ERRFI1: variants seen among roughly 807,000 people sequenced by gnomAD.
ERRFI1 encodes the protein mitogen-inducible gene 6 protein.
ERRFI1 carries 12 observed loss-of-function variants against 14.6 expected under a neutral mutation model. The ratio of observed to expected loss-of-function variants is 0.82; its 90% CI spans 0.53 to 1.33. The LOEUF (loss-of-function observed/expected upper bound fraction) is 1.33, where lower values mean the gene tolerates loss of function less well. Ranked by LOEUF, ERRFI1 falls within the 40% of genes most tolerant of loss-of-function variation. ERRFI1 has a pLI of 0.00. For synonymous variants in ERRFI1, 202 were observed against 209.9 expected (o/e 0.96, Z 0.32); for missense variants, 482 against 572.1 (o/e 0.84, Z 1.61).
In ERRFI1 at chr1:8,026,229, C is replaced by A. The variant is rs941744828; in HGVS notation, c.-145G>T. ...GTCCCGGCTGGCTCAGCGCCGCGGG[C>A]TCAGGGGCCCGGACATCGCGCAGGC... On this transcript the variant is annotated 5_prime_UTR_variant, in exon 1 of 4. Coordinates refer to ENST00000377482, the MANE Select transcript of ERRFI1 (RefSeq NM_018948.4). 1 of 152,112 alleles carries A rather than the reference C, an allele frequency of 6.6e-6. No individual in the cohort carries two copies. Among genetic ancestry groups the A allele is most frequent in the Non-Finnish European group, 1.5e-5 (1 of 68,118 alleles). The allele number at this position is 152,112 out of a possible 1,614,324, so 9.4% of individuals were successfully genotyped here.
chr1:8,024,050 C>A (rs972903658), intron 1 of ERRFI1, among the ~76,000 whole-genome samples: 22 of 152,178 alleles, frequency 1.4e-4, no homozygotes, highest in African/African-American at 5.3e-4. Context: ...CCTGGAGTTA[C>A]CCCTGACACC....
At chr1:8,014,438 C>T in intron 3 of ERRFI1, 42 bp from the exon 4 acceptor site, 1 of 1,514,978 alleles carries the variant, frequency 6.6e-7, no homozygotes, top group Non-Finnish European at 8.8e-7. Context: ...CAACAATCCT[C>T]TCTCCACCTG....
chr1:8,014,463 C>T, intron 3 of ERRFI1, 67 bp from the exon 4 acceptor site: 2 of 1,407,082 alleles, frequency 1.4e-6, no homozygotes, highest in East Asian at 2.3e-5. Context: ...AGGGAGAGAG[C>T]ACCCCAGCTA....
intron 1 of ERRFI1, among the ~76,000 whole-genome samples, chr1:8,016,283 ACT>A (rs1430814492): frequency 1.1e-4 from 16 of 152,190 alleles, no homozygotes; most frequent in Non-Finnish European, 2.2e-4. Context: ...TCCAGTTACT[ACT>A]TGTTCAAGGA....
In ERRFI1 at chr1:8,012,147, T is replaced by C. The variant is rs948706799; in HGVS notation, c.*1063A>G. The C allele has an allele frequency of 8.7e-6, 2 of 230,428 alleles. No homozygotes were observed. The highest frequency in any genetic ancestry group is 1.8e-4 in the South Asian group (1 of 5,502). The allele number at this position is 230,428 out of a possible 1,614,324, so 14.3% of individuals were successfully genotyped here. ...TGATGTGACCTCTGGAATTCAGACA[T>C]ACTGAGCTATGGGTCAGAAGTGTTT... On this transcript the variant is annotated 3_prime_UTR_variant, in exon 4 of 4. Coordinates refer to ENST00000377482, the MANE Select transcript of ERRFI1 (RefSeq NM_018948.4).
chr1:8,013,508 A>G lies in ERRFI1; in HGVS notation c.1091T>C (p.Leu364Pro), dbSNP rs770363957. Residue 364 changes from leucine (L) to proline (P), a missense_variant, in exon 4 of 4, where the codon CTG (leucine) becomes CCG (proline). Coordinates refer to ENST00000377482, the MANE Select transcript of ERRFI1 (RefSeq NM_018948.4). This position sits in a 1 kb window ranked among gnomAD's most constrained non-coding sequence, Gnocchi z 4.3. ...PDPKYVSSKA[L>P]QRQNSEGSAS... ...AGATCCTTCGCTGTTCTGTCTTTGC[A>G]GTGCTTTGCTGCTGACATACTTGGG... is the stretch of plus-strand genomic sequence containing the variant. 1 of 1,614,152 alleles carries G rather than the reference A, an allele frequency of 6.2e-7. No individual in the cohort carries two copies. The highest frequency in any genetic ancestry group is 1.7e-5 in the Admixed American group (1 of 60,006).
chr1:8,025,925 C>A (rs889215100), intron 1 of ERRFI1, among the ~76,000 whole-genome samples: 4 of 151,968 alleles, frequency 2.6e-5, no homozygotes, highest in Non-Finnish European at 5.9e-5. Flanking sequence ...CCGGGCTGCG[C>A]CGCCGGGGAG....
rs1240686805 is a variant in ERRFI1, at chr1:8,012,603, C to T, written c.*607G>A. On this transcript the variant is annotated 3_prime_UTR_variant, in exon 4 of 4. Transcript: ENST00000377482. ...AACATGAAACCTGGAAGTATGAGGC[C>T]TTGGTATGATTTTTAACCTAAGCAG... The T allele has an allele frequency of 8.8e-6, 2 of 227,116 alleles. No homozygotes were observed. The highest frequency in any genetic ancestry group is 1.3e-4 in the East Asian group (2 of 15,940). The allele number at this position is 227,116 out of a possible 1,614,324, so 14.1% of individuals were successfully genotyped here.
chr1:8,013,772 G>C lies in ERRFI1; in HGVS notation c.827C>G (p.Ser276Cys), dbSNP rs2124058041. 6.2e-7 allele frequency: 1 copy of C among 1,614,140 alleles called. No individual in the cohort carries two copies. Among genetic ancestry groups the C allele is most frequent in the Non-Finnish European group, 8.5e-7 (1 of 1,180,024 alleles). The change falls in exon 4 of 4, where the codon TCC becomes TGC. Residue 276 changes from serine (S) to cysteine (C), a missense_variant. Physicochemically the swap from Ser to Cys is moderately radical, Grantham distance 112 (BLOSUM62 -1). Coordinates refer to ENST00000377482, the MANE Select transcript of ERRFI1 (RefSeq NM_018948.4). This position sits in a 1 kb window ranked among gnomAD's most constrained non-coding sequence, Gnocchi z 4.3. ...GGGAACCTCAGGTTTGTCTTCATCGGAGTTAGGAGAAGCTCTGTGTATACA... is the reference window on the plus strand; with the variant it reads ...GGGAACCTCAGGTTTGTCTTCATCGCAGTTAGGAGAAGCTCTGTGTATACA... ...NCCIHRASPN[S>C]DEDKPEVPPR...
chr1:8,019,944 T>C (rs976130514), intron 1 of ERRFI1, among the ~76,000 whole-genome samples: 1 of 152,176 alleles, frequency 6.6e-6, no homozygotes, highest in Non-Finnish European at 1.5e-5. Context: ...CCTTCTAGAC[T>C]GTGTTTTTGC....
In ERRFI1 at chr1:8,012,990, TTTAAA is replaced by T. The variant is rs1481587674; in HGVS notation, c.*215_*219del. 2.1e-5 allele frequency: 11 copies of T among 535,194 alleles called. No homozygotes were observed. The South Asian group carries it at 2.6e-4, about 13-fold the overall frequency. 33.2% of individuals were successfully genotyped at this position (535,194 alleles called of 1,614,324 possible). ...ATCCTCCCCTCCCCACCATCACATCTTTAAATTATAGACTTGTAAGACTTTTTTCC... is the reference window on the plus strand; with the variant it reads ...ATCCTCCCCTCCCCACCATCACATCTTTATAGACTTGTAAGACTTTTTTCC... On this transcript the variant is annotated 3_prime_UTR_variant, in exon 4 of 4. Coordinates refer to ENST00000377482, the MANE Select transcript of ERRFI1 (RefSeq NM_018948.4).
At chr1:8,025,319 GATATAC>G (rs1235184795) in intron 1 of ERRFI1, among the ~76,000 whole-genome samples, 2 of 152,194 alleles carry the variant, frequency 1.3e-5, no homozygotes, top group Non-Finnish European at 2.9e-5. Flanking sequence ...ACAGGGCTAT[GATATAC>G]ATATAAATAC....
Position 8,014,372 on chromosome 1 carries a change from A to G in ERRFI1, c.227T>C (p.Met76Thr), listed in dbSNP as rs768401617. The change falls in exon 4 of 4, where the codon ATG becomes ACG. Residue 76 changes from methionine (M) to threonine (T), a missense_variant. Coordinates refer to ENST00000377482, the MANE Select transcript of ERRFI1 (RefSeq NM_018948.4). Reference protein sequence around the residue: ...PLGHASKSAPMNGHCFAENGP... With the variant: ...PLGHASKSAPTNGHCFAENGP... Reference sequence around the variant, plus strand: ...ATTTTCTGCAAAGCAGTGGCCATTCATCGGAGCAGATTTGGAAGCATGCCC... The same window carrying G: ...ATTTTCTGCAAAGCAGTGGCCATTCGTCGGAGCAGATTTGGAAGCATGCCC... 1.9e-6 allele frequency: 3 copies of G among 1,591,402 alleles called. No homozygotes were observed. The highest frequency in any genetic ancestry group is 2.3e-5 in the South Asian group (2 of 87,870).
At chr1:8,020,256 T>C (rs1363779481) in intron 1 of ERRFI1, among the ~76,000 whole-genome samples, 1 of 152,134 alleles carries the variant, frequency 6.6e-6, no homozygotes, top group Non-Finnish European at 1.5e-5. Flanking sequence ...TGTGATGTAA[T>C]TTCCTCCTTT....
At chr1:8,016,912 T>G (rs1175166448) in intron 1 of ERRFI1, among the ~76,000 whole-genome samples, 9 of 151,072 alleles carry the variant, frequency 6.0e-5, no homozygotes, top group Non-Finnish European at 1.0e-4. Context: ...TTTTTTTTTT[T>G]GTTTTTTTTT....
At chr1:8,019,536 A>C (rs1355378387) in intron 1 of ERRFI1, among the ~76,000 whole-genome samples, 3 of 152,138 alleles carry the variant, frequency 2.0e-5, no homozygotes, top group African/African-American at 7.2e-5. Context: ...CCCCCTGTAG[A>C]TCTTGGCATC....
chr1:8,014,420 T>G (rs774447682), intron 3 of ERRFI1, 24 bp from the exon 4 acceptor site: 73 of 1,530,480 alleles, frequency 4.8e-5, no homozygotes, highest in Non-Finnish European at 6.4e-5. Context: ...GAGATATTAA[T>G]AAAAGATCAA....
rs1226712347 is a variant in ERRFI1, at chr1:8,013,475, T to C, written c.1124A>G (p.Lys375Arg). The change falls in exon 4 of 4, where the codon AAG becomes AGG. Residue 375 changes from lysine (K) to arginine (R), a missense_variant. Physicochemically the swap from Lys to Arg is conservative, Grantham distance 26. Coordinates refer to ENST00000377482, the MANE Select transcript of ERRFI1 (RefSeq NM_018948.4). The surrounding 1 kb of genome is among the most constrained non-coding windows in gnomAD (Gnocchi z 4.3). ...AATAATGGGCAGAATGCAAGGAACC[T>C]TACTGGCAGATCCTTCGCTGTTCTG... ...QRQNSEGSAS[K>R]VPCILPIIEN... The C allele has an allele frequency of 2.5e-6, 4 of 1,614,210 alleles. No individual in the cohort carries two copies. The South Asian group carries it at 4.4e-5, about 18-fold the overall frequency.
rs1307465111 is a variant in ERRFI1 at position 8,014,347 on chromosome 1, A to G, written c.252T>C (p.Asn84=). 1.2e-6 allele frequency: 2 copies of G among 1,608,002 alleles called. No individual in the cohort carries two copies. The highest frequency in any genetic ancestry group is 1.7e-6 in the Non-Finnish European group (2 of 1,176,700). The change falls in exon 4 of 4, where the codon AAT becomes AAC. Residue 84 remains asparagine, a synonymous_variant. Coordinates refer to ENST00000377482, the MANE Select transcript of ERRFI1 (RefSeq NM_018948.4). The part of the protein sequence containing the change: ...APMNGHCFAE[N]GPSQKSSLPP... The stretch of plus-strand genomic sequence containing the variant: ...GCAAGCTGGACTTTTGAGATGGACC[A>G]TTTTCTGCAAAGCAGTGGCCATTCA...
Sources: gnomAD v4.1 joint callset for allele counts (sites outside exome capture counted in the v4.1 genomes callset) on GRCh38, gnomAD v4.1.1 for gene constraint, Gnocchi (gnomAD v3.1) non-coding constraint, MANE v1.5 for transcripts, NCBI Gene and HGNC (gene_info 2026-07-23, HGNC 2026-07-21) for gene names.